Variants in TSC22D2 observed in about 807,000 individuals in gnomAD.
TSC22D2 encodes TSC22 domain family member 2, also known as TSC22 domain family protein 2.
In TSC22D2, 5 loss-of-function variants were observed where a neutral mutation model predicts 50.1. That is an observed-to-expected ratio of 0.10 (90% CI 0.05 to 0.21). The LOEUF is 0.21. TSC22D2 is among the 10% of genes least tolerant of loss of function. The pLI is 1.00. For missense variants in TSC22D2, 1,003 were observed against 1,015.5 expected, an observed-to-expected ratio of 0.99 and a Z score of 0.17; for synonymous variants, 501 against 450.1, an observed-to-expected ratio of 1.11 and a Z score of -1.43.
At chr3:150,429,670 G>A (rs1720321065) in intron 1 of TSC22D2, among the ~76,000 whole-genome samples, 1 of 152,152 alleles carries the variant, frequency 6.6e-6, no homozygotes, top group Admixed American at 6.6e-5. Flanking sequence ...AATGGAAGAT[G>A]AAAGAAGCCA....
chr3:150,437,799 C>T (rs867701399), intron 1 of TSC22D2, among the ~76,000 whole-genome samples: 2 of 151,878 alleles, frequency 1.3e-5, no homozygotes, highest in Non-Finnish European at 1.5e-5. Flanking sequence ...CAGAGCGGGA[C>T]TCCGTCTCAA....
At chr3:150,432,613 C>G (rs922733256) in intron 1 of TSC22D2, among the ~76,000 whole-genome samples, 1 of 151,166 alleles carries the variant, frequency 6.6e-6, no homozygotes, top group Admixed American at 6.6e-5. Flanking sequence ...AATAACTGAA[C>G]TTGTTCAGAC....
chr3:150,434,787 T>C (rs1720483431), intron 1 of TSC22D2, among the ~76,000 whole-genome samples: 1 of 152,170 alleles, frequency 6.6e-6, no homozygotes, highest in South Asian at 2.1e-4. Context: ...AAACACTTTA[T>C]ATATGTGTAT....
Position 150,460,738 on chromosome 3 carries a change from C to CTAACTGTGCCCCTCCAGTGA in TSC22D2, c.*2110_*2111insCCCCTCCAGTGATAACTGTG, listed in dbSNP as rs1721371018. Reference sequence around the variant, plus strand: ...GTTTGCTGGCTGTGCCCCTCCAGTGCTAACTGTGACATGTGATATTTAATA... The same window carrying CTAACTGTGCCCCTCCAGTGA: ...GTTTGCTGGCTGTGCCCCTCCAGTGCTAACTGTGCCCCTCCAGTGATAACTGTGACATGTGATATTTAATA... On this transcript the variant is annotated 3_prime_UTR_variant, in exon 3 of 3. Transcript: ENST00000688009. 6.6e-6 allele frequency: 1 copy of CTAACTGTGCCCCTCCAGTGA among 152,006 alleles called. No individual in the cohort carries two copies. Among genetic ancestry groups the CTAACTGTGCCCCTCCAGTGA allele is most frequent in the Admixed American group, 6.6e-5 (1 of 15,252 alleles). 9.4% of individuals were successfully genotyped at this position (152,006 alleles called of 1,614,324 possible).
chr3:150,446,623 C>T (rs1720898449), intron 1 of TSC22D2, among the ~76,000 whole-genome samples: 2 of 152,180 alleles, frequency 1.3e-5, no homozygotes, highest in African/African-American at 4.8e-5. Context: ...CCCCCACCCC[C>T]AATATGATAT....
Position 150,410,053 on chromosome 3 carries a change from G to A in TSC22D2, c.703G>A (p.Ala235Thr). The change falls in exon 1 of 3, where the codon GCG (alanine) becomes ACG (threonine). Residue 235 changes from alanine (A) to threonine (T), a missense_variant. Around this residue, in one of 6 missense-constraint regions of TSC22D2, gnomAD observed 696 missense variants for 647.8 expected, o/e 1.07. Coordinates refer to ENST00000688009, the MANE Select transcript of TSC22D2 (RefSeq NM_001303264.2). Reference sequence around the variant, plus strand: ...GGTAGTAGTGGCCTCCATGCAGGGGGCGCACGGGCCCGAGTCGGGAACTGA... The same window carrying A: ...GGTAGTAGTGGCCTCCATGCAGGGGACGCACGGGCCCGAGTCGGGAACTGA... ...VVVVVASMQG[A>T]HGPESGTDSS... is the part of the protein sequence containing the mutation. 3 of 1,613,182 alleles carry A rather than the reference G, an allele frequency of 1.9e-6. No homozygotes were observed. Among genetic ancestry groups the A allele is most frequent in the Non-Finnish European group, 1.7e-6 (2 of 1,180,018 alleles).
intron 1 of TSC22D2, among the ~76,000 whole-genome samples, chr3:150,437,972 A>T (rs571898957): frequency 6.6e-6 from 1 of 152,164 alleles, no homozygotes; most frequent in Non-Finnish European, 1.5e-5. Context: ...TAAACCTTTA[A>T]TTGGTTCCAT....
rs1485706635 is a variant in TSC22D2 at position 150,410,969 on chromosome 3, A to G, written c.1619A>G (p.Gln540Arg). The change falls in exon 1 of 3, where the codon CAG (glutamine) becomes CGG (arginine). Residue 540 changes from glutamine to arginine, a missense_variant. Coordinates refer to ENST00000688009, the MANE Select transcript of TSC22D2 (RefSeq NM_001303264.2). ...NVPAPLAQSQ[Q>R]LSSHTPVSRS... ...CCCGCGCCTCTGGCCCAGTCGCAAC[A>G]GCTGAGCAGCCATACGCCAGTCAGC... The G allele has an allele frequency of 5.6e-6, 9 of 1,614,062 alleles. No homozygotes were observed. The highest frequency in any genetic ancestry group is 6.8e-6 in the Non-Finnish European group (8 of 1,180,042).
At chr3:150,454,590 G>C (rs1218148435) in intron 1 of TSC22D2, among the ~76,000 whole-genome samples, 1 of 152,254 alleles carries the variant, frequency 6.6e-6, no homozygotes, top group East Asian at 1.9e-4. Flanking sequence ...TCTGAGTGGG[G>C]GAGCCCAGCA....
Position 150,458,737 on chromosome 3 carries a change from G to A in TSC22D2, c.*101G>A. ...ATACGAAAGCAAGTAGCCATGCTTT[G>A]GTTGTGTGTTTGGCCTTTTCAGTAT... On this transcript the variant is annotated 3_prime_UTR_variant, in exon 3 of 3. Transcript: ENST00000688009. 2.7e-6 allele frequency: 4 copies of A among 1,472,514 alleles called. No individual in the cohort carries two copies. The highest frequency in any genetic ancestry group is 1.3e-5 in the South Asian group (1 of 74,898). The allele number at this position is 1,472,514 out of a possible 1,614,324, so 91.2% of individuals were successfully genotyped here. A position where few individuals can be genotyped will look rare whatever the true frequency, so the allele number is the denominator to read the frequency against.
intron 1 of TSC22D2, among the ~76,000 whole-genome samples, chr3:150,446,402 C>T (rs1342522574): frequency 1.3e-5 from 2 of 152,154 alleles, no homozygotes; most frequent in Non-Finnish European, 2.9e-5. Flanking sequence ...ATAATCCCAA[C>T]ATTTTGGGAG....
At chr3:150,412,946 C>T (rs945378618) in intron 1 of TSC22D2, among the ~76,000 whole-genome samples, 1 of 152,062 alleles carries the variant, frequency 6.6e-6, no homozygotes, top group African/African-American at 2.4e-5. Flanking sequence ...GTATACTGCC[C>T]ATATCTCTTC....
chr3:150,411,530 G>A (rs1719569294), intron 1 of TSC22D2, among the ~76,000 whole-genome samples: 1 of 152,122 alleles, frequency 6.6e-6, no homozygotes, highest in African/African-American at 2.4e-5. Flanking sequence ...AATGGGTAGG[G>A]ATGCAACATT....
In TSC22D2 at chr3:150,410,333, A is replaced by G. The variant is rs2108054329; in HGVS notation, c.983A>G (p.Asn328Ser). The G allele has an allele frequency of 1.9e-6, 3 of 1,587,996 alleles. No homozygotes were observed. Among genetic ancestry groups the G allele is most frequent in the East Asian group, 2.3e-5 (1 of 44,084 alleles). Reference sequence around the variant, plus strand: ...GGGGGACAGACTCTGCCGCCGACGAATGTAACCCTGGCGCAGCCGGCTATG... The same window carrying G: ...GGGGGACAGACTCTGCCGCCGACGAGTGTAACCCTGGCGCAGCCGGCTATG... ...GPGGQTLPPT[N>S]VTLAQPAMSL... is the part of the protein sequence containing the mutation. The change falls in exon 1 of 3, where the codon AAT (asparagine) becomes AGT (serine). Residue 328 changes from asparagine (N) to serine (S), a missense_variant. Physicochemically the swap from Asn to Ser is conservative, Grantham distance 46. Coordinates refer to ENST00000688009, the MANE Select transcript of TSC22D2 (RefSeq NM_001303264.2).
intron 1 of TSC22D2, among the ~76,000 whole-genome samples, chr3:150,436,992 G>T (rs964041610): frequency 6.6e-6 from 1 of 151,872 alleles, no homozygotes; most frequent in African/African-American, 2.4e-5. Flanking sequence ...CCTCAGTAAG[G>T]GCCCTTTTCT....
intron 2 of TSC22D2, among the ~76,000 whole-genome samples, chr3:150,457,403 A>G (rs181645854): frequency 1.5e-4 from 23 of 152,166 alleles, no homozygotes; most frequent in Non-Finnish European, 3.2e-4. Context: ...TTTAAAGACA[A>G]TATGTTCCCC....
chr3:150,409,880 G>T lies in TSC22D2; in HGVS notation c.530G>T (p.Arg177Leu). The part of the protein sequence containing the change: ...LDHGSGEPYR[R>L]GRWTCMEYYE... Reference sequence around the variant, plus strand: ...CACGGGAGCGGAGAGCCCTATAGACGCGGCCGATGGACGTGTATGGAATAC... The same window carrying T: ...CACGGGAGCGGAGAGCCCTATAGACTCGGCCGATGGACGTGTATGGAATAC... The change falls in exon 1 of 3, where the codon CGC becomes CTC. Residue 177 changes from arginine (R) to leucine (L), a missense_variant. Physicochemically the swap from Arg to Leu is moderately radical, Grantham distance 102. Coordinates refer to ENST00000688009, the MANE Select transcript of TSC22D2 (RefSeq NM_001303264.2). The surrounding 1 kb of genome is among the most constrained non-coding windows in gnomAD (Gnocchi z 7.4). The T allele has an allele frequency of 6.2e-7, 1 of 1,612,732 alleles. No homozygotes were observed.
chr3:150,436,374 G>A (rs147686977), intron 1 of TSC22D2, among the ~76,000 whole-genome samples: 1,561 of 151,686 alleles, frequency 0.01, 11 homozygotes, highest in South Asian at 0.03. Flanking sequence ...TCAAGCAGTC[G>A]GCCCTTTAAC....
At chr3:150,445,718 T>TA (rs1434548628) in intron 1 of TSC22D2, among the ~76,000 whole-genome samples, 1 of 152,158 alleles carries the variant, frequency 6.6e-6, no homozygotes, top group African/African-American at 2.4e-5. Flanking sequence ...TCCTTTAAGA[T>TA]ATGTACAACT....
Sources: gnomAD v4.1 joint callset for allele counts (sites outside exome capture counted in the v4.1 genomes callset) on GRCh38, gnomAD v4.1.1 for gene constraint, gnomAD v4.1.1 regional missense constraint, Gnocchi (gnomAD v3.1) non-coding constraint, MANE v1.5 for transcripts, NCBI Gene and HGNC (gene_info 2026-07-23, HGNC 2026-07-21) for gene names.